GABRE: variants seen among roughly 807,000 people sequenced by gnomAD.
GABRE encodes the protein gamma-aminobutyric acid type A receptor subunit epsilon.
A neutral mutation model predicts 31.0 loss-of-function variants in GABRE; 20 were observed. The ratio of observed to expected loss-of-function variants is 0.64; its 90% CI spans 0.45 to 0.94. The LOEUF (loss-of-function observed/expected upper bound fraction) is 0.94. Among genes scored for constraint, GABRE ranks in the 40% least tolerant of loss-of-function variants. The pLI, the probability that GABRE is intolerant of heterozygous loss-of-function variation, is 0.00. For missense variants in GABRE, 420 were observed against 410.7 expected, an observed-to-expected ratio of 1.02 and a Z score of -0.20; for synonymous variants, 155 against 150.6, an observed-to-expected ratio of 1.03 and a Z score of -0.21.
chrX:151,959,986 A>T lies in GABRE; in HGVS notation c.647-10T>A. 1 of 1,205,534 alleles carries T rather than the reference A, an allele frequency of 8.3e-7. No homozygotes were observed. The highest frequency in any genetic ancestry group is 1.8e-5 in the South Asian group (1 of 56,181). ...TTCTCAGGATAGGAAACTGGAAAGG[A>T]ATGTGAGAAAGAGGGTCTTATGAGA... is the stretch of plus-strand genomic sequence containing the variant. On this transcript the variant is annotated splice_polypyrimidine_tract_variant and intron_variant, in intron 5 of 8. Transcript: ENST00000370328.
rs755276507 is a variant in GABRE, at chrX:151,959,701, T to C, written c.784+138A>G. 7.3e-6 allele frequency: 5 copies of C among 689,108 alleles called. No homozygotes were observed. The East Asian group carries it at 9.9e-5, about 14-fold the overall frequency. The allele number at this position is 689,108 out of a possible 1,213,427, so 56.8% of individuals were successfully genotyped here. On this transcript the variant is annotated intron_variant, in intron 6 of 8. Coordinates refer to ENST00000370328, the MANE Select transcript of GABRE (RefSeq NM_004961.4). ...TCTCAGTTTCCTCTGCAAACAGTTG[T>C]AAGTGCTTAGCAATTATAAGACAGG...
Position 151,962,580 on chromosome X carries a change from T to C in GABRE, c.406A>G (p.Thr136Ala), listed in dbSNP as rs1181720129. The C allele has an allele frequency of 1.7e-6, 2 of 1,211,182 alleles. No homozygotes were observed. Among genetic ancestry groups the C allele is most frequent in the South Asian group, 3.5e-5 (2 of 56,924 alleles). Residue 136 changes from threonine (T) to alanine (A), a missense_variant, in exon 4 of 9, where the codon ACC (threonine) becomes GCC (alanine). Thr to Ala is a moderately conservative substitution (Grantham distance 58). Transcript: ENST00000370328. ...WYDERLCYND[T>A]FESLVLNGNV... ...CCATTCAGAACAAGAGACTCAAAGG[T>C]GTCGTTGTAACAGAGGCGTTCGTCG...
rs1437888342 is a variant in GABRE, at chrX:151,953,813, G to A, written c.*888C>T. On this transcript the variant is annotated 3_prime_UTR_variant, in exon 9 of 9. Transcript: ENST00000370328. ...CAAAGCCGAGTTTCCTTAGTTTCTT[G>A]GCCCCAGGAAGTCACCAAGGCCTAG... 1 of 111,707 alleles carries A rather than the reference G, an allele frequency of 9.0e-6. No individual in the cohort carries two copies. Among genetic ancestry groups the A allele is most frequent in the Non-Finnish European group, 1.9e-5 (1 of 53,158 alleles). 9.2% of individuals were successfully genotyped at this position (111,707 alleles called of 1,213,427 possible).
chrX:151,955,864 A>G lies in GABRE; in HGVS notation c.785-4T>C, dbSNP rs202110093. The G allele has an allele frequency of 4.1e-6, 5 of 1,211,328 alleles. No individual in the cohort carries two copies. Among genetic ancestry groups the G allele is most frequent in the Non-Finnish European group, 1.1e-6 (1 of 895,042 alleles). The stretch of plus-strand genomic sequence containing the variant: ...ATCGTCATGACCATGAAGTCACCTG[A>G]AAGACACAAAAAACATCACTGCATT... On this transcript the variant is annotated splice_region_variant and splice_polypyrimidine_tract_variant and intron_variant, in intron 6 of 8. Coordinates refer to ENST00000370328, the MANE Select transcript of GABRE (RefSeq NM_004961.4).
At position 151,954,786 on chromosome X, in the gene GABRE, C is replaced by T. The variant is rs150104349; in HGVS notation, c.1436G>A (p.Arg479His). The T allele has an allele frequency of 2.3e-5, 28 of 1,209,352 alleles. 1 individual carries two copies. In the East Asian group the frequency reaches 3.6e-4, roughly 15 times the overall value. The change falls in exon 9 of 9, where the codon CGC becomes CAC. Residue 479 changes from arginine to histidine, a missense_variant. Coordinates refer to ENST00000370328, the MANE Select transcript of GABRE (RefSeq NM_004961.4). ...AACAACTCTCGAGTAGTTATCCAGG[C>T]GGTAGACATGGATGCAGAGGCGGCC... Reference protein sequence around the residue: ...QQGRLCIHVYRLDNYSRVVFP... With the variant: ...QQGRLCIHVYHLDNYSRVVFP...
chrX:151,967,516 G>A (rs1430331207), intron 3 of GABRE, among the ~76,000 whole-genome samples: 2 of 111,971 alleles, frequency 1.8e-5, no homozygotes, highest in Non-Finnish European at 3.8e-5. Context: ...TGACAACAAT[G>A]GTGGGACCAC....
At chrX:151,962,385 A>G (rs1163771281) in intron 4 of GABRE, 38 bp downstream of exon 4, 3 of 1,105,555 alleles carry the variant, frequency 2.7e-6, no homozygotes, top group East Asian at 6.0e-5. Context: ...AAGGGGAGAG[A>G]GAATTCCAGG....
Position 151,957,636 on chromosome X carries a change from C to T in GABRE, c.785-1776G>A, listed in dbSNP as rs746114332. On this transcript the variant is annotated intron_variant, in intron 6 of 8. Transcript: ENST00000370328. ...ATTCTGGCCAAAAAAGAACCTTCTC[C>T]GCTCGTCAAGAGATGCCAATTTGTC... 1.8e-4 allele frequency: 44 copies of T among 244,829 alleles called. 1 individual carries two copies. Among genetic ancestry groups the T allele is most frequent in the Admixed American group, 1.8e-3 (34 of 19,331 alleles). 20.2% of individuals were successfully genotyped at this position (244,829 alleles called of 1,213,427 possible).
Position 151,962,419 on chromosome X carries a change from A to G in GABRE, c.563+4T>C, listed in dbSNP as rs1266798210. 2.5e-6 allele frequency: 3 copies of G among 1,200,103 alleles called. No individual in the cohort carries two copies. In the East Asian group the frequency reaches 8.9e-5, roughly 36 times the overall value. ...GGAAGTGAGACTCCAGAGGCTTGACATACCTAATTGTGTACAACACCTTGC... is the reference window on the plus strand; with the variant it reads ...GGAAGTGAGACTCCAGAGGCTTGACGTACCTAATTGTGTACAACACCTTGC... On this transcript the variant is annotated splice_donor_region_variant and intron_variant, in intron 4 of 8. Transcript: ENST00000370328.
At chrX:151,971,257 C>G in intron 1 of GABRE, 1 of 337,099 alleles carries the variant, frequency 3.0e-6, no homozygotes, top group Non-Finnish European at 5.7e-6. Flanking sequence ...CCGCTGTGGT[C>G]ATATTCTGAC....
Position 151,972,155 on chromosome X carries a change from C to G in GABRE, c.57-1753G>C, listed in dbSNP as rs1934726041. The G allele has an allele frequency of 1.1e-5, 8 of 753,312 alleles. No homozygotes were observed. In the South Asian group the frequency reaches 5.4e-4, roughly 51 times the overall value. 62.1% of individuals were successfully genotyped at this position (753,312 alleles called of 1,213,427 possible). ...ACCAAGGGACTGCCAACTTAAGAAG[C>G]AAAATGCATTTTTTCTGCAGTATTT... On this transcript the variant is annotated intron_variant, in intron 1 of 8. Transcript: ENST00000370328.
intron 3 of GABRE, among the ~76,000 whole-genome samples, chrX:151,963,552 TG>T (rs1276498885): frequency 8.9e-6 from 1 of 112,441 alleles, no homozygotes; most frequent in Admixed American, 9.4e-5. Context: ...ATGGCAAATG[TG>T]ACTATGGTCC....
Position 151,954,719 on chromosome X carries a change from A to G in GABRE, c.1503T>C (p.Leu501=), listed in dbSNP as rs1934082231. 2 of 1,199,381 alleles carry G rather than the reference A, an allele frequency of 1.7e-6. No homozygotes were observed. Among genetic ancestry groups the G allele is most frequent in the African/African-American group, 1.8e-5 (1 of 56,945 alleles). The change falls in exon 9 of 9, where the codon CTT becomes CTC. Residue 501 remains leucine (L), a synonymous_variant. Coordinates refer to ENST00000370328, the MANE Select transcript of GABRE (RefSeq NM_004961.4). ...CTGGTACCTACAAGTTAAGGCAAAC[A>G]AGCCAGTAGAGCACATTGAAGAAGA... is the stretch of plus-strand genomic sequence containing the variant. The part of the protein sequence containing the change: ...TFFFFNVLYW[L]VCLNL
Position 151,955,354 on chromosome X carries a change from T to G in GABRE, c.1137+14A>C. On this transcript the variant is annotated intron_variant, in intron 8 of 8. Transcript: ENST00000370328. ...CTCCAAAGCCTTGCCACCACTCCCA[T>G]ACCCAGCTCATACATGGCGGAGTTT... is the stretch of plus-strand genomic sequence containing the variant. 1.7e-6 allele frequency: 2 copies of G among 1,210,180 alleles called. No individual in the cohort carries two copies. The highest frequency in any genetic ancestry group is 2.2e-6 in the Non-Finnish European group (2 of 894,138).
At chrX:151,961,663 A>C (rs995095008) in intron 4 of GABRE, among the ~76,000 whole-genome samples, 3 of 110,949 alleles carry the variant, frequency 2.7e-5, no homozygotes. Flanking sequence ...TTTTCCCATG[A>C]TGGCCAGGCT....
chrX:151,969,933 G>A, intron 2 of GABRE, 197 bp from the exon 3 acceptor site: 6 of 1,070,714 alleles, frequency 5.6e-6, no homozygotes, highest in South Asian at 5.2e-5. Flanking sequence ...CACACATCTT[G>A]AAGATCAACA....
At chrX:151,967,586 T>C (rs1934561680) in intron 3 of GABRE, among the ~76,000 whole-genome samples, 1 of 112,419 alleles carries the variant, frequency 8.9e-6, no homozygotes, top group South Asian at 3.7e-4. Flanking sequence ...TAAACAATGC[T>C]AGCAAAATTA....
intron 3 of GABRE, among the ~76,000 whole-genome samples, chrX:151,962,944 G>A (rs184465781): frequency 1.0e-3 from 114 of 111,708 alleles, no homozygotes; most frequent in Admixed American, 2.2e-3. Flanking sequence ...ACATCATGCA[G>A]CAGTTAACAC....
At chrX:151,957,433 T>C (rs954794329) in intron 6 of GABRE, 1 of 330,597 alleles carries the variant, frequency 3.0e-6, no homozygotes, top group Non-Finnish European at 5.9e-6. Context: ...ACCCTCGCAC[T>C]TGCCTACTGG....
Sources: allele counts gnomAD v4.1 joint callset (sites outside exome capture counted in the v4.1 genomes callset), GRCh38; gene constraint gnomAD v4.1.1; transcripts MANE v1.5; gene names NCBI Gene and HGNC (gene_info 2026-07-23, HGNC 2026-07-21).